Variants in ARHGAP6 observed in about 807,000 individuals in gnomAD.
ARHGAP6 encodes Rho GTPase activating protein 6.
A neutral mutation model predicts 55.7 loss-of-function variants in ARHGAP6; 16 were observed. That is an observed-to-expected ratio of 0.29 (90% CI 0.19 to 0.44). The LOEUF (loss-of-function observed/expected upper bound fraction) is 0.44, where lower values mean the gene tolerates loss of function less well. Ranked by LOEUF, ARHGAP6 falls within the 20% of genes least tolerant of loss-of-function variation. The probability of loss-of-function intolerance (pLI) is 1.00; values close to 1 mark genes in which losing one functional copy is unlikely to be tolerated. For missense variants in ARHGAP6, 698 were observed against 808.9 expected (o/e 0.86, Z 1.66); for synonymous variants, 382 against 360.9 (o/e 1.06, Z -0.66).
At chrX:11,293,759 C>T (rs1181599885) in intron 1 of ARHGAP6, among the ~76,000 whole-genome samples, 1 of 111,985 alleles carries the variant, frequency 8.9e-6, no homozygotes, top group Middle Eastern at 4.2e-3. Context: ...CATTCACAGG[C>T]TGTGATCTAC....
chrX:11,211,222 GT>G lies in ARHGAP6; in HGVS notation c.749-14227del, dbSNP rs1231718233. 5.3e-3 allele frequency among the ~76,000 whole-genome samples: 491 copies of G among 91,884 alleles called. 4 individuals carry two copies. Among genetic ancestry groups the G allele is most frequent in the African/African-American group, 0.012 (295 of 25,178 alleles). 79.8% of individuals were successfully genotyped at this position (91,884 alleles called of 115,157 possible). On this transcript the variant is annotated intron_variant, in intron 2 of 12. Transcript: ENST00000337414. ...ATAGAGATAAATTACGAGAACTGCTGTTTTTTTTTTTTTTTTTTGAGATGGA... is the reference window on the plus strand; with the variant it reads ...ATAGAGATAAATTACGAGAACTGCTGTTTTTTTTTTTTTTTTTGAGATGGA...
In ARHGAP6 at chrX:11,647,891, C is replaced by T. The variant is rs761244113; in HGVS notation, c.588+16350G>A. The stretch of plus-strand genomic sequence containing the variant: ...ATACTTTTCAAAAGTGGCAAGCTCA[C>T]GAAAAATAAATAAAGACAGATTGGA... On this transcript the variant is annotated intron_variant, in intron 1 of 12. Coordinates refer to ENST00000337414, the MANE Select transcript of ARHGAP6 (RefSeq NM_013427.3). 8.1e-5 allele frequency among the ~76,000 whole-genome samples: 9 copies of T among 111,518 alleles called. No individual in the cohort carries two copies. In the East Asian group the frequency reaches 2.0e-3, roughly 24 times the overall value.
At chrX:11,211,976 A>G (rs2046809190) in intron 2 of ARHGAP6, among the ~76,000 whole-genome samples, 1 of 111,767 alleles carries the variant, frequency 8.9e-6, no homozygotes, top group Admixed American at 9.5e-5. Context: ...CACTTTCAAG[A>G]TCAAATTAAT....
At chrX:11,472,033 C>A in intron 1 of ARHGAP6, among the ~76,000 whole-genome samples, 1 of 112,184 alleles carries the variant, frequency 8.9e-6, no homozygotes, top group Non-Finnish European at 1.9e-5. Context: ...AGTTTGCTTT[C>A]CTGCTTTCTT....
chrX:11,550,083 A>C (rs988332236), intron 1 of ARHGAP6, among the ~76,000 whole-genome samples: 1 of 112,240 alleles, frequency 8.9e-6, no homozygotes, highest in Non-Finnish European at 1.9e-5. Flanking sequence ...GGCTAGGGAT[A>C]GGCTTCAAAA....
At chrX:11,462,574 AT>A (rs1377943467) in intron 1 of ARHGAP6, among the ~76,000 whole-genome samples, 2 of 112,502 alleles carry the variant, frequency 1.8e-5, no homozygotes, top group African/African-American at 6.5e-5. Flanking sequence ...GAAAGAAAAC[AT>A]TACCATCGTG....
At chrX:11,608,529 T>A (rs2052062179) in intron 1 of ARHGAP6, among the ~76,000 whole-genome samples, 1 of 111,149 alleles carries the variant, frequency 9.0e-6, no homozygotes, top group Admixed American at 9.6e-5. Context: ...GCTGGACAAG[T>A]CTGGCTATGA....
At chrX:11,146,746 A>G (rs1325035704) in intron 10 of ARHGAP6, among the ~76,000 whole-genome samples, 4 of 112,708 alleles carry the variant, frequency 3.5e-5, no homozygotes, top group Non-Finnish European at 7.5e-5. Flanking sequence ...GCTCTCTAGC[A>G]GCAGAGGCAG....
intron 1 of ARHGAP6, among the ~76,000 whole-genome samples, chrX:11,579,344 C>A (rs1294173460): frequency 9.0e-6 from 1 of 111,510 alleles, no homozygotes; most frequent in Non-Finnish European, 1.9e-5. Flanking sequence ...GAGAATATAA[C>A]AAATCAGCCT....
chrX:11,139,008 C>T lies in ARHGAP6; in HGVS notation c.2780G>A (p.Ser927Asn). The change falls in exon 13 of 13, where the codon AGC becomes AAC. Residue 927 changes from serine (S) to asparagine (N), a missense_variant. Physicochemically the swap from Ser to Asn is conservative, Grantham distance 46. Transcript: ENST00000337414. ...REQQVTQKKL[S>N]SANSLPAGEQ... ...GCCCGCTGGCAGGGAGTTGGCGCTG[C>T]TCAGTTTTTTCTGCGTGACCTGCTG... 3 of 1,208,707 alleles carry T rather than the reference C, an allele frequency of 2.5e-6. No individual in the cohort carries two copies. The highest frequency in any genetic ancestry group is 3.4e-6 in the Non-Finnish European group (3 of 894,588).
chrX:11,430,617 A>G (rs190772823), intron 1 of ARHGAP6, among the ~76,000 whole-genome samples: 1 of 112,691 alleles, frequency 8.9e-6, no homozygotes, highest in East Asian at 2.8e-4. Flanking sequence ...TCATTTAAAT[A>G]TATTTCAGGG....
At chrX:11,273,501 C>T (rs182993250) in intron 1 of ARHGAP6, among the ~76,000 whole-genome samples, 349 of 110,182 alleles carry the variant, frequency 3.2e-3, no homozygotes, top group Non-Finnish European at 5.6e-3. Flanking sequence ...AGTACATAAT[C>T]GCTTTGTTGA....
chrX:11,226,771 A>G (rs757652213), intron 2 of ARHGAP6, among the ~76,000 whole-genome samples: 1 of 112,018 alleles, frequency 8.9e-6, no homozygotes, highest in East Asian at 2.8e-4. Flanking sequence ...ACTACTGAGT[A>G]TCTCTTTTAT....
At chrX:11,344,700 AAAAAG>A (rs1569308019) in intron 1 of ARHGAP6, among the ~76,000 whole-genome samples, 7 of 103,493 alleles carry the variant, frequency 6.8e-5, no homozygotes, top group Admixed American at 3.1e-4. Context: ...AAAAAAAAAA[AAAAAG>A]AAAAGAAAGA....
At chrX:11,437,301 T>G (rs1280389836) in intron 1 of ARHGAP6, among the ~76,000 whole-genome samples, 1 of 112,521 alleles carries the variant, frequency 8.9e-6, no homozygotes, top group African/African-American at 3.2e-5. Context: ...TATTTTATCC[T>G]TTTTCTGTTT....
chrX:11,204,091 TAGCAATTTATGGCAGA>T (rs2046671191), intron 2 of ARHGAP6, among the ~76,000 whole-genome samples: 1 of 112,264 alleles, frequency 8.9e-6, no homozygotes, highest in African/African-American at 3.2e-5. Flanking sequence ...ATCATTTGGA[TAGCAATTTATGGCAGA>T]AGCATCCTCT....
chrX:11,630,472 G>T (rs1246545305), intron 1 of ARHGAP6, among the ~76,000 whole-genome samples: 1 of 112,134 alleles, frequency 8.9e-6, no homozygotes, highest in Admixed American at 9.4e-5. Flanking sequence ...CATCCTCTGT[G>T]CAGTTCTGTC....
intron 1 of ARHGAP6, among the ~76,000 whole-genome samples, chrX:11,542,941 T>C (rs2051174400): frequency 9.0e-6 from 1 of 111,430 alleles, no homozygotes; most frequent in African/African-American, 3.3e-5. Context: ...CGCACATTAA[T>C]CTACATAGCA....
intron 1 of ARHGAP6, among the ~76,000 whole-genome samples, chrX:11,400,714 T>C (rs2049538321): frequency 8.9e-6 from 1 of 111,759 alleles, no homozygotes; most frequent in Non-Finnish European, 1.9e-5. Context: ...TCCAGAAATA[T>C]TTCAGCATTA....
Sources: allele counts gnomAD v4.1 joint callset (sites outside exome capture counted in the v4.1 genomes callset), GRCh38; gene constraint gnomAD v4.1.1; transcripts MANE v1.5; gene names NCBI Gene and HGNC (gene_info 2026-07-23, HGNC 2026-07-21).